ERI2: variants seen among roughly 807,000 people sequenced by gnomAD.
ERI2 encodes ERI1 exoribonuclease 2.
In ERI2, 35 loss-of-function variants were observed where a neutral mutation model predicts 46.8. That is an observed-to-expected ratio of 0.75 (90% confidence interval 0.57 to 0.99). The LOEUF (loss-of-function observed/expected upper bound fraction) is 0.99, where lower values mean the gene tolerates loss of function less well. Ranked by LOEUF, ERI2 falls within the 50% of genes least tolerant of loss-of-function variation. ERI2 has a pLI of 0.00. For missense variants in ERI2, 695 were observed against 796.2 expected (o/e 0.87, Z 1.53); for synonymous variants, 224 against 271.0 (o/e 0.83, Z 1.70).
Position 20,790,880 on chromosome 16 carries a change from T to A in ERI2, c.785A>T (p.Asp262Val). 1 of 1,613,970 alleles carries A rather than the reference T, an allele frequency of 6.2e-7. No individual in the cohort carries two copies. The highest frequency in any genetic ancestry group is 8.5e-7 in the Non-Finnish European group (1 of 1,179,942). ...TTCTTGCTGAAGAAAAGCATGCTGG[T>A]CCCCTGAGGCCAGATCACTGTTCCA... Residue 262 changes from aspartate to valine, a missense_variant, in exon 9 of 11, where the codon GAC (aspartate) becomes GTC (valine). Asp to Val is a radical substitution (Grantham distance 152). Coordinates refer to the ERI2 transcript ENST00000300005. The surrounding 1 kb of genome is among the most constrained non-coding windows in gnomAD (Gnocchi z 4.0).
Position 20,797,697 on chromosome 16 carries a change from C to T in ERI2, c.*27G>A. Reference sequence around the variant, plus strand: ...TACTCATGTTTGGAAATTCAAGGAACAATTAGGATTCATACATGAAAGGTT... The same window carrying T: ...TACTCATGTTTGGAAATTCAAGGAATAATTAGGATTCATACATGAAAGGTT... On this transcript the variant is annotated 3_prime_UTR_variant, in exon 9 of 9. Transcript: ENST00000357967. The T allele has an allele frequency of 6.7e-7, 1 of 1,496,996 alleles. No homozygotes were observed. The highest frequency in any genetic ancestry group is 8.9e-7 in the Non-Finnish European group (1 of 1,125,504). The allele number at this position is 1,496,996 out of a possible 1,614,324, so 92.7% of individuals were successfully genotyped here.
chr16:20,798,068 T>A lies in ERI2; in HGVS notation c.1732A>T (p.Thr578Ser). The change falls in exon 9 of 9, where the codon ACT becomes TCT. Residue 578 changes from threonine (T) to serine (S), a missense_variant. Thr to Ser is a moderately conservative substitution (Grantham distance 58). Transcript: ENST00000357967. ...GGCTCTTGTAGGTTAACTGTAGAAG[T>A]TAATATAGATGGGAGACGCCTCCAG... ...SSWRRLPSIL[T>S]STVNLQEPWK... 6.4e-7 allele frequency: 1 copy of A among 1,551,492 alleles called. No homozygotes were observed.
Position 20,799,273 on chromosome 16 carries a change from G to T in ERI2, c.722C>A (p.Ser241Ter). The T allele has an allele frequency of 6.2e-7, 1 of 1,613,438 alleles. No individual in the cohort carries two copies. Among genetic ancestry groups the T allele is most frequent in the South Asian group, 1.1e-5 (1 of 90,972 alleles). ...RDGCVMKITR[S>*]LNKVPTKKNF... is the part of the protein sequence containing the mutation. ...CAAGACACTACTAACCTTGTTCAAC[G>T]ACCTTGTAATTTTCATTACACAACC... The change falls in exon 8 of 9, where the codon TCG becomes TAG. Residue 241 changes from serine (S) to a stop codon, truncating the protein, a stop_gained. Transcript: ENST00000357967. LOFTEE classifies it low-confidence loss of function (END_TRUNC).
chr16:20,797,569 T>G lies in ERI2; in HGVS notation c.*155A>C, dbSNP rs1379452134. 5.5e-5 allele frequency: 71 copies of G among 1,281,212 alleles called. No individual in the cohort carries two copies. The highest frequency in any genetic ancestry group is 6.9e-5 in the Non-Finnish European group (70 of 1,015,330). The allele number at this position is 1,281,212 out of a possible 1,614,324, so 79.4% of individuals were successfully genotyped here. A position where few individuals can be genotyped will look rare whatever the true frequency, so the allele number is the denominator to read the frequency against. ...TTATTATATGTAATCTAATAAATACTGTTTACAAAAGATTACACTTGTGGT... is the reference window on the plus strand; with the variant it reads ...TTATTATATGTAATCTAATAAATACGGTTTACAAAAGATTACACTTGTGGT... On this transcript the variant is annotated 3_prime_UTR_variant, in exon 9 of 9. Transcript: ENST00000357967.
rs1219947787 is a variant in ERI2, at chr16:20,796,766, A to G, written c.*958T>C. 6.5e-7 allele frequency: 1 copy of G among 1,530,082 alleles called. No homozygotes were observed. The highest frequency in any genetic ancestry group is 1.3e-5 in the South Asian group (1 of 78,074). The allele number at this position is 1,530,082 out of a possible 1,614,324, so 94.8% of individuals were successfully genotyped here. On this transcript the variant is annotated 3_prime_UTR_variant, in exon 9 of 9. Coordinates refer to ENST00000357967, the MANE Select transcript of ERI2 (RefSeq NM_001142725.2). ...TTCCCTATTTTGGCTGTTACCCAAA[A>G]CCCATTCCAAAGACTATTCTAATTC... is the stretch of plus-strand genomic sequence containing the variant.
chr16:20,784,048 C>T (rs116890567), intron 10 of ERI2, among the ~76,000 whole-genome samples: 2,789 of 152,216 alleles, frequency 0.018, 29 homozygotes, highest in Non-Finnish European at 0.03. Flanking sequence ...TCAGGTGATC[C>T]GCCCACCTCT....
At chr16:20,804,087 C>G (rs80176068) in intron 1 of ERI2, among the ~76,000 whole-genome samples, 5,540 of 151,512 alleles carry the variant, frequency 0.037, 211 homozygotes, top group African/African-American at 0.095. Flanking sequence ...CTCCTGAGCT[C>G]CAGCAATCCT....
downstream of ERI2, chr16:20,792,105 C>T (rs1318276397): frequency 6.2e-7 from 1 of 1,613,996 alleles, no homozygotes; most frequent in Non-Finnish European, 8.5e-7. Flanking sequence ...GTTGCAAGAG[C>T]AGATGATGTC....
In ERI2 at chr16:20,790,589, T is replaced by C. The variant is rs769788361; in HGVS notation, c.815+261A>G. On this transcript the variant is annotated intron_variant, in intron 9 of 10. Transcript: ENST00000300005. The surrounding 1 kb of genome is among the most constrained non-coding windows in gnomAD (Gnocchi z 4.0). Reference sequence around the variant, plus strand: ...TAAATTGTTCTATTTTATCCTAGATTGTAGATGTAAATGGCAATGTTCTAC... The same window carrying C: ...TAAATTGTTCTATTTTATCCTAGATCGTAGATGTAAATGGCAATGTTCTAC... 3 of 1,613,256 alleles carry C rather than the reference T, an allele frequency of 1.9e-6. No individual in the cohort carries two copies. Among genetic ancestry groups the C allele is most frequent in the South Asian group, 2.2e-5 (2 of 91,072 alleles).
chr16:20,789,624 T>C, intron 9 of ERI2: 1 of 1,083,750 alleles, frequency 9.2e-7, no homozygotes, highest in Non-Finnish European at 1.4e-6. Flanking sequence ...AATCAAGACC[T>C]ATTGCTAAAT....
intron 10 of ERI2, among the ~76,000 whole-genome samples, chr16:20,787,575 A>G (rs2080501384): frequency 6.6e-6 from 1 of 152,240 alleles, no homozygotes; most frequent in African/African-American, 2.4e-5. Context: ...GATTTTAACA[A>G]GCACCCCCCA....
In ERI2 at chr16:20,803,465, T is replaced by G. The variant is rs778999942; in HGVS notation, c.143A>C (p.Asn48Thr). ...IVIDFESTCWNDGKHHHSQEI... is the reference protein window; with the variant it reads ...IVIDFESTCWTDGKHHHSQEI... Reference sequence around the variant, plus strand: ...CTGGCTATGGTGGTGCTTCCCATCATTCCAGCATGTCGATTCAAAATCAAT... The same window carrying G: ...CTGGCTATGGTGGTGCTTCCCATCAGTCCAGCATGTCGATTCAAAATCAAT... The change falls in exon 3 of 9, where the codon AAT becomes ACT. Residue 48 changes from asparagine (N) to threonine (T), a missense_variant. Asn to Thr is a moderately conservative substitution (Grantham distance 65, BLOSUM62 0). Transcript: ENST00000357967. 56 of 1,613,970 alleles carry G rather than the reference T, an allele frequency of 3.5e-5. No homozygotes were observed. Among genetic ancestry groups the G allele is most frequent in the Middle Eastern group, 1.6e-4 (1 of 6,082 alleles).
In ERI2 at chr16:20,790,635, A is replaced by G. The variant is rs2080576984; in HGVS notation, c.815+215T>C. 1 of 1,614,160 alleles carries G rather than the reference A, an allele frequency of 6.2e-7. No individual in the cohort carries two copies. Among genetic ancestry groups the G allele is most frequent in the African/African-American group, 1.3e-5 (1 of 75,056 alleles). On this transcript the variant is annotated intron_variant, in intron 9 of 10. Transcript: ENST00000300005. This position sits in a 1 kb window ranked among gnomAD's most constrained non-coding sequence, Gnocchi z 4.0. Reference sequence around the variant, plus strand: ...TCTACCTCCTGGACAAGAAGGAGATATTGGCATTCAAGTTCTACCCAACCG... The same window carrying G: ...TCTACCTCCTGGACAAGAAGGAGATGTTGGCATTCAAGTTCTACCCAACCG...
chr16:20,797,616 T>C lies in ERI2; in HGVS notation c.*108A>G. On this transcript the variant is annotated 3_prime_UTR_variant, in exon 9 of 9. Transcript: ENST00000357967. The stretch of plus-strand genomic sequence containing the variant: ...TGGTTCCTGAAGAAAGTATGGTAAA[T>C]GCAGTAAACATTAATATATAAAATA... 7.4e-7 allele frequency: 1 copy of C among 1,343,506 alleles called. No individual in the cohort carries two copies. The highest frequency in any genetic ancestry group is 9.5e-7 in the Non-Finnish European group (1 of 1,049,142). The allele number at this position is 1,343,506 out of a possible 1,614,324, so 83.2% of individuals were successfully genotyped here.
intron 2 of ERI2, 40 bp from the exon 3 acceptor site, chr16:20,803,556 G>A (rs972356423): frequency 3.1e-6 from 5 of 1,613,766 alleles, no homozygotes; most frequent in Non-Finnish European, 4.2e-6. Flanking sequence ...TACCAGTGCT[G>A]AAAATGCAAG....
rs13306605 is a variant in ERI2, at chr16:20,786,169, C to A, written c.894+3310G>T. On this transcript the variant is annotated intron_variant, in intron 10 of 10. Coordinates refer to the ERI2 transcript ENST00000300005. ...GCTTTCGATGTTAAGGTTTGCACAT[C>A]CCCTTCCAGGAGAATGTTTAACAAC... 211 of 1,608,746 alleles carry A rather than the reference C, an allele frequency of 1.3e-4. 3 individuals are homozygous for A. In the East Asian group the frequency reaches 4.7e-3, roughly 36 times the overall value.
At chr16:20,780,343 T>C in exon 11 of ERI2, 1 of 386,138 alleles carries the variant, frequency 2.6e-6, no homozygotes, top group Non-Finnish European at 4.7e-6. Context: ...TTTTAAAGCA[T>C]CCATAGGGGA....
In ERI2 at chr16:20,780,719, C is replaced by T. The variant is rs759689506; in HGVS notation, c.910G>A (p.Ala304Thr). Residue 304 changes from alanine (A) to threonine (T), a missense_variant, in exon 11 of 11, where the codon GCA (alanine) becomes ACA (threonine). Coordinates refer to the ERI2 transcript ENST00000300005. ...TTGTAGTTTTTCCTTTGCAGACATG[C>T]CAGTGACAGCCACACCTGTGTGAAG... 8.1e-6 allele frequency: 13 copies of T among 1,614,014 alleles called. No homozygotes were observed. The highest frequency in any genetic ancestry group is 1.3e-5 in the African/African-American group (1 of 74,902).
rs751043642 is a variant in ERI2, at chr16:20,790,940, G to A, written c.733-8C>T. The A allele has an allele frequency of 2.3e-5, 37 of 1,613,496 alleles. No homozygotes were observed. Among genetic ancestry groups the A allele is most frequent in the Non-Finnish European group, 2.8e-5 (33 of 1,179,770 alleles). ...AGGCAAGAGGAAGGGACCCTAGAAAGAGGACAGCCTCTTAACATCCCCTGA... is the reference window on the plus strand; with the variant it reads ...AGGCAAGAGGAAGGGACCCTAGAAAAAGGACAGCCTCTTAACATCCCCTGA... On this transcript the variant is annotated splice_region_variant and splice_polypyrimidine_tract_variant and intron_variant, in intron 8 of 10. Coordinates refer to the ERI2 transcript ENST00000300005. The surrounding 1 kb of genome is among the most constrained non-coding windows in gnomAD (Gnocchi z 4.0).
Sources: gnomAD v4.1 joint callset for allele counts (sites outside exome capture counted in the v4.1 genomes callset) on GRCh38, gnomAD v4.1.1 for gene constraint, Gnocchi (gnomAD v3.1) non-coding constraint, MANE v1.5 for transcripts, NCBI Gene and HGNC (gene_info 2026-07-23, HGNC 2026-07-21) for gene names.